The following STRAP variants were observed in gnomAD, a reference collection of about 807,000 sequenced individuals.
STRAP encodes serine/threonine kinase receptor associated protein.
Under a neutral mutation model 47.0 loss-of-function variants are expected in STRAP, and 16 were observed. That is an observed-to-expected ratio of 0.34 (90% confidence interval 0.23 to 0.52). The LOEUF is 0.52. Ranked by LOEUF, STRAP falls within the 20% of genes least tolerant of loss-of-function variation. STRAP has a pLI of 0.96. For synonymous variants in STRAP, 130 were observed against 142.7 expected, an observed-to-expected ratio of 0.91 and a Z score of 0.63; for missense variants, 293 against 420.0, an observed-to-expected ratio of 0.70 and a Z score of 2.64.
In STRAP at chr12:15,894,207, C is replaced by G; in HGVS notation, c.500+64C>G. On this transcript the variant is annotated intron_variant, in intron 5 of 9. Coordinates refer to ENST00000419869, the MANE Select transcript of STRAP (RefSeq NM_007178.4). The surrounding 1 kb of genome is among the most constrained non-coding windows in gnomAD (Gnocchi z 4.9). The stretch of plus-strand genomic sequence containing the variant: ...GGGCATGGTGGCTCACGCCTATAAT[C>G]TCAGCACTTTGGGAGGCGAGCCGGG... 8 of 1,373,956 alleles carry G rather than the reference C, an allele frequency of 5.8e-6. No individual in the cohort carries two copies. Among genetic ancestry groups the G allele is most frequent in the Non-Finnish European group, 8.2e-6 (8 of 970,848 alleles). The allele number at this position is 1,373,956 out of a possible 1,614,324, so 85.1% of individuals were successfully genotyped here. A position where few individuals can be genotyped will look rare whatever the true frequency, so the allele number is the denominator to read the frequency against.
At position 15,896,995 on chromosome 12, in the gene STRAP, A is replaced by G. The variant is rs1948064975; in HGVS notation, c.639-887A>G. On this transcript the variant is annotated intron_variant, in intron 6 of 9. Transcript: ENST00000419869. The surrounding 1 kb of genome is among the most constrained non-coding windows in gnomAD (Gnocchi z 4.1). ...AGTAAACTGATAGTAGTAGAATACT[A>G]TGGCCTGGAGCCATCAATTGGTTTA... 6.6e-6 allele frequency among the ~76,000 whole-genome samples: 1 copy of G among 152,236 alleles called. No individual in the cohort carries two copies. Among genetic ancestry groups the G allele is most frequent in the Admixed American group, 6.5e-5 (1 of 15,284 alleles).
rs992769965 is a variant in STRAP at position 15,903,217 on chromosome 12, T to C, written c.*239T>C. 3 of 345,428 alleles carry C rather than the reference T, an allele frequency of 8.7e-6. No individual in the cohort carries two copies. The highest frequency in any genetic ancestry group is 1.5e-5 in the Non-Finnish European group (3 of 194,784). 21.4% of individuals were successfully genotyped at this position (345,428 alleles called of 1,614,324 possible). ...TATAGTACAGTGGCCTGTTATCTTT[T>C]TAATGAATATATACAAGCCAACATC... On this transcript the variant is annotated 3_prime_UTR_variant, in exon 10 of 10. Coordinates refer to ENST00000419869, the MANE Select transcript of STRAP (RefSeq NM_007178.4).
In STRAP at chr12:15,882,542, C is replaced by T; in HGVS notation, c.-166C>T. ...GCAGACTCCCTGACCCCTCCCTCAC[C>T]CCTCCCTAACCTCGGTGCCACCGGA... On this transcript the variant is annotated 5_prime_UTR_variant, in exon 1 of 10. Coordinates refer to ENST00000419869, the MANE Select transcript of STRAP (RefSeq NM_007178.4). 3.2e-6 allele frequency: 2 copies of T among 616,904 alleles called. No homozygotes were observed. The highest frequency in any genetic ancestry group is 2.9e-6 in the Non-Finnish European group (1 of 347,488). The allele number at this position is 616,904 out of a possible 1,614,324, so 38.2% of individuals were successfully genotyped here. A position where few individuals can be genotyped will look rare whatever the true frequency, so the allele number is the denominator to read the frequency against.
chr12:15,899,209 C>G (rs73303315), intron 7 of STRAP, among the ~76,000 whole-genome samples: 13,423 of 152,178 alleles, frequency 0.088, 1,959 homozygotes, highest in African/African-American at 0.3. Context: ...TTTCTATTCT[C>G]TGGTGGGACA....
chr12:15,893,488 A>C (rs890108394), intron 4 of STRAP, among the ~76,000 whole-genome samples: 1 of 146,872 alleles, frequency 6.8e-6, no homozygotes, highest in Admixed American at 6.8e-5. Context: ...TATATATAAA[A>C]TTCTTTTTAT....
chr12:15,899,750 C>G (rs571199230), intron 7 of STRAP, among the ~76,000 whole-genome samples, 154 bp from the exon 8 acceptor site: 1 of 152,082 alleles, frequency 6.6e-6, no homozygotes, highest in South Asian at 2.1e-4. Context: ...AATGATATAC[C>G]ACTTTTGTGA....
chr12:15,898,633 T>G (rs748080947), intron 7 of STRAP, among the ~76,000 whole-genome samples: 100 of 152,234 alleles, frequency 6.6e-4, no homozygotes, highest in Non-Finnish European at 2.4e-4. Context: ...TGGGGATTAA[T>G]TTGAAGTTAA....
intron 4 of STRAP, among the ~76,000 whole-genome samples, chr12:15,892,933 C>T (rs1591986544): frequency 6.6e-6 from 1 of 152,142 alleles, no homozygotes. Flanking sequence ...GCTGTGCTGG[C>T]AGCAGAAAAT....
chr12:15,888,661 T>G (rs1947990529), intron 2 of STRAP, among the ~76,000 whole-genome samples: 1 of 152,186 alleles, frequency 6.6e-6, no homozygotes, highest in Non-Finnish European at 1.5e-5. Flanking sequence ...TCTTTGCTTC[T>G]TCCGACGGCT....
chr12:15,891,416 A>G lies in STRAP; in HGVS notation c.403+747A>G, dbSNP rs546391067. Among the ~76,000 whole-genome samples, 550 of 152,286 alleles carry G rather than the reference A, an allele frequency of 3.6e-3. 5 individuals are homozygous for G. Among genetic ancestry groups the G allele is most frequent in the African/African-American group, 0.012 (501 of 41,560 alleles). ...AAAAATCTGCAGTTACAGTTTTTTC[A>G]TTTCACTAAATAGTCTATGAACTGT... is the stretch of plus-strand genomic sequence containing the variant. On this transcript the variant is annotated intron_variant, in intron 4 of 9. Transcript: ENST00000419869.
In STRAP at chr12:15,890,575, A is replaced by G. The variant is rs1175444049; in HGVS notation, c.331-22A>G. Reference sequence around the variant, plus strand: ...AACTATTAAAATGGTTAATCTATTCACATTTTACTTTGTGTTTTCAGGATA... The same window carrying G: ...AACTATTAAAATGGTTAATCTATTCGCATTTTACTTTGTGTTTTCAGGATA... On this transcript the variant is annotated intron_variant, in intron 3 of 9. Transcript: ENST00000419869. This position sits in a 1 kb window ranked among gnomAD's most constrained non-coding sequence, Gnocchi z 4.5. The G allele has an allele frequency of 6.4e-7, 1 of 1,573,028 alleles. No individual in the cohort carries two copies. Among genetic ancestry groups the G allele is most frequent in the Non-Finnish European group, 8.7e-7 (1 of 1,150,442 alleles).
chr12:15,882,981 G>C, intron 1 of STRAP, 162 bp downstream of exon 1: 4 of 1,411,856 alleles, frequency 2.8e-6, no homozygotes, highest in Non-Finnish European at 3.9e-6. Flanking sequence ...AAAGGAGTGT[G>C]TTAGGGAATC....
intron 2 of STRAP, among the ~76,000 whole-genome samples, chr12:15,886,922 C>A (rs1180062639): frequency 6.6e-6 from 1 of 152,082 alleles, no homozygotes; most frequent in Non-Finnish European, 1.5e-5. Flanking sequence ...AGTACAGTGT[C>A]CCTAAAACAC....
At chr12:15,897,755 G>T (rs2136112738) in intron 6 of STRAP, 127 bp from the exon 7 acceptor site, 4 of 492,198 alleles carry the variant, frequency 8.1e-6, no homozygotes. Flanking sequence ...TTTTACATCA[G>T]TGTTTATGTT....
chr12:15,897,923 A>G lies in STRAP; in HGVS notation c.680A>G (p.Asn227Ser). The change falls in exon 7 of 10, where the codon AAT becomes AGT. Residue 227 changes from asparagine (N) to serine (S), a missense_variant. Asn to Ser is a conservative substitution (Grantham distance 46). Around this residue, in one of 5 missense-constraint regions of STRAP, gnomAD observed 152 missense variants for 183.0 expected, o/e 0.83. Transcript: ENST00000419869. ...IKSFEAPATI[N>S]SASLHPEKEF... ...TCCTTTGAAGCTCCTGCAACCATCA[A>G]TTCTGCATCTCTTCATCCTGAGAAA... The G allele has an allele frequency of 6.3e-7, 1 of 1,590,512 alleles. No homozygotes were observed. The highest frequency in any genetic ancestry group is 8.5e-7 in the Non-Finnish European group (1 of 1,171,212).
chr12:15,897,968 G>A lies in STRAP; in HGVS notation c.725G>A (p.Gly242Asp). The change falls in exon 7 of 10, where the codon GGT (glycine) becomes GAT (aspartate). Residue 242 changes from glycine (G) to aspartate (D), a missense_variant. By Grantham distance (94) the Gly-to-Asp change is moderately conservative. Coordinates refer to ENST00000419869, the MANE Select transcript of STRAP (RefSeq NM_007178.4). ...GAGAAAGAATTTCTTGTTGCAGGCG[G>A]TGAAGATTTTAAACTTTATAAGTAT... is the stretch of plus-strand genomic sequence containing the variant. Reference protein sequence around the residue: ...HPEKEFLVAGGEDFKLYKYDY... With the variant: ...HPEKEFLVAGDEDFKLYKYDY... 1 of 1,603,564 alleles carries A rather than the reference G, an allele frequency of 6.2e-7. No individual in the cohort carries two copies. The highest frequency in any genetic ancestry group is 8.5e-7 in the Non-Finnish European group (1 of 1,176,002).
chr12:15,886,848 A>T (rs1460562778), intron 2 of STRAP, among the ~76,000 whole-genome samples: 1 of 152,198 alleles, frequency 6.6e-6, no homozygotes, highest in Admixed American at 6.5e-5. Context: ...ATTTAGCAGA[A>T]TAGGTCTGTG....
chr12:15,895,538 A>G lies in STRAP; in HGVS notation c.638+42A>G, dbSNP rs779635884. 2.5e-6 allele frequency: 4 copies of G among 1,572,718 alleles called. No individual in the cohort carries two copies. The Admixed American group carries it at 6.2e-5, about 24-fold the overall frequency. On this transcript the variant is annotated intron_variant, in intron 6 of 9. Transcript: ENST00000419869. ...CTTTCATTTTCTTTTTTAGGTAACA[A>G]AAGACATTTTGGCTACTTAAAAATG...
intron 2 of STRAP, among the ~76,000 whole-genome samples, chr12:15,889,588 G>A (rs947197303): frequency 6.6e-6 from 1 of 152,136 alleles, no homozygotes; most frequent in African/African-American, 2.4e-5. Flanking sequence ...TGACAGGCTT[G>A]CTAAAGGGAT....
Sources: allele counts gnomAD v4.1 joint callset (sites outside exome capture counted in the v4.1 genomes callset), GRCh38; gene constraint gnomAD v4.1.1; regional missense constraint gnomAD v4.1.1; non-coding constraint Gnocchi (gnomAD v3.1); transcripts MANE v1.5; gene names NCBI Gene and HGNC (gene_info 2026-07-23, HGNC 2026-07-21).